The following PARP14 variants were observed in gnomAD, a reference collection of about 807,000 sequenced individuals.
The protein encoded by PARP14 is protein mono-ADP-ribosyltransferase PARP14.
A neutral mutation model predicts 154.2 loss-of-function variants in PARP14; 59 were observed. The ratio of observed to expected loss-of-function variants is 0.38; its 90% CI spans 0.31 to 0.48. PARP14 has a LOEUF of 0.48. Ranked by LOEUF, PARP14 falls within the 20% of genes least tolerant of loss-of-function variation. The pLI is 0.98. For missense variants in PARP14, 1,734 were observed against 2,131.6 expected, an observed-to-expected ratio of 0.81 and a Z score of 3.67; for synonymous variants, 720 against 780.5, an observed-to-expected ratio of 0.92 and a Z score of 1.29.
Position 122,681,993 on chromosome 3 carries a change from A to G in PARP14, c.187+923A>G, listed in dbSNP as rs1560042235. 6.6e-6 allele frequency among the ~76,000 whole-genome samples: 1 copy of G among 152,158 alleles called. No homozygotes were observed. The highest frequency in any genetic ancestry group is 1.5e-5 in the Non-Finnish European group (1 of 68,024). Reference sequence around the variant, plus strand: ...TTTGGAGAAGCATTCGGGCCAGAGGAGAGGCAAGGAGGCTGAGGCTGAGGC... The same window carrying G: ...TTTGGAGAAGCATTCGGGCCAGAGGGGAGGCAAGGAGGCTGAGGCTGAGGC... On this transcript the variant is annotated intron_variant, in intron 1 of 16. Coordinates refer to ENST00000474629, the MANE Select transcript of PARP14 (RefSeq NM_017554.3). The surrounding 1 kb of genome is among the most constrained non-coding windows in gnomAD (Gnocchi z 5.5).
Position 122,700,448 on chromosome 3 carries a change from G to A in PARP14, c.1894G>A (p.Val632Ile). 2 of 1,613,394 alleles carry A rather than the reference G, an allele frequency of 1.2e-6. No homozygotes were observed. Among genetic ancestry groups the A allele is most frequent in the Non-Finnish European group, 8.5e-7 (1 of 1,179,602 alleles). Residue 632 changes from valine (V) to isoleucine (I), a missense_variant, in exon 6 of 17, where the codon GTA becomes ATA. This residue lies in a region of PARP14 where 1,646 missense variants were observed against 1,976.0 expected (regional missense o/e 0.83). Transcript: ENST00000474629. ...GAAACAAAATTCCTCCCCAAACACT[G>A]TAATCATCAATGAGTTAACTTCAGA... ...LKKQNSSPNT[V>I]IINELTSETT...
At position 122,703,763 on chromosome 3, in the gene PARP14, GT is replaced by G; in HGVS notation, c.3105del (p.Leu1037TrpfsTer57). The G allele has an allele frequency of 6.2e-7, 1 of 1,606,054 alleles. No homozygotes were observed. The highest frequency in any genetic ancestry group is 1.1e-5 in the South Asian group (1 of 90,014). ...NAKTDVVVNS[V>X]PLDLVLSRGP... Reference sequence around the variant, plus strand: ...TAAGACCGATGTTGTTGTCAACTCCGTTCCCTTGGATCTCGTGCTTAGTAGA... The same window carrying G: ...TAAGACCGATGTTGTTGTCAACTCCGTCCCTTGGATCTCGTGCTTAGTAGA... On this transcript the variant is annotated frameshift_variant, in exon 7 of 17. Coordinates refer to ENST00000474629, the MANE Select transcript of PARP14 (RefSeq NM_017554.3). LOFTEE classifies it high-confidence loss of function.
rs1932929828 is a variant in PARP14, at chr3:122,714,299, T to G, written c.3870T>G (p.Gly1290=). ...QRKNDYIITG[G]GFLRCKNIIH... is the part of the protein sequence containing the mutation. ...AAAATGATTATATAATCACCGGAGGTGGATTTTTGAGGTGCAAGAATATCA... is the reference window on the plus strand; with the variant it reads ...AAAATGATTATATAATCACCGGAGGGGGATTTTTGAGGTGCAAGAATATCA... The change falls in exon 12 of 17, where the codon GGT becomes GGG. Residue 1290 remains glycine (G), a synonymous_variant. Coordinates refer to ENST00000474629, the MANE Select transcript of PARP14 (RefSeq NM_017554.3). The G allele has an allele frequency of 6.3e-7, 1 of 1,597,830 alleles. No individual in the cohort carries two copies. Among genetic ancestry groups the G allele is most frequent in the South Asian group, 1.1e-5 (1 of 87,206 alleles).
chr3:122,728,745 C>T lies in PARP14; in HGVS notation c.*148C>T, dbSNP rs1236490760. The T allele has an allele frequency of 1.6e-6, 1 of 643,208 alleles. No homozygotes were observed. The highest frequency in any genetic ancestry group is 2.6e-5 in the East Asian group (1 of 38,436). 39.8% of individuals were successfully genotyped at this position (643,208 alleles called of 1,614,324 possible). ...GTCGCTGAAGTCAGTCTTTCTTCAG[C>T]TTCCCTTTCATAATGGAAATGAACT... On this transcript the variant is annotated 3_prime_UTR_variant, in exon 17 of 17. Transcript: ENST00000474629.
rs757238272 is a variant in PARP14, at chr3:122,713,926, C to T, written c.3824C>T (p.Ser1275Phe). ...GGACAAAATGTAGAAAGGGAATGTT[C>T]TCAGCAAGGTAAGGCATATTCTATT... ...CAGQNVEREC[S>F]QQAQQRKNDY... Residue 1275 changes from serine to phenylalanine, a missense_variant, in exon 11 of 17, where the codon TCT (serine) becomes TTT (phenylalanine). Ser to Phe is a radical substitution (Grantham distance 155). Transcript: ENST00000474629. The T allele has an allele frequency of 1.2e-6, 2 of 1,611,700 alleles. No homozygotes were observed. The highest frequency in any genetic ancestry group is 1.1e-5 in the South Asian group (1 of 91,048).
intron 12 of PARP14, among the ~76,000 whole-genome samples, chr3:122,715,529 T>C (rs1932967224): frequency 6.6e-6 from 1 of 152,192 alleles, no homozygotes; most frequent in South Asian, 2.1e-4. Flanking sequence ...TTTGTTTTCA[T>C]TCCCCTTAGA....
chr3:122,730,415 A>G lies in PARP14; in HGVS notation c.*1818A>G, dbSNP rs576550525. 1 of 152,348 alleles carries G rather than the reference A, an allele frequency of 6.6e-6. No individual in the cohort carries two copies. The highest frequency in any genetic ancestry group is 1.5e-5 in the Non-Finnish European group (1 of 68,048). The allele number at this position is 152,348 out of a possible 1,614,324, so 9.4% of individuals were successfully genotyped here. On this transcript the variant is annotated 3_prime_UTR_variant, in exon 17 of 17. Coordinates refer to ENST00000474629, the MANE Select transcript of PARP14 (RefSeq NM_017554.3). ...GGAGCCAATGCAGATAGCACATCAG[A>G]TGCTAGGGGTCGCTGGGAGGATTAA...
rs1416238368 is a variant in PARP14, at chr3:122,685,225, A to G, written c.228A>G (p.Val76=). 6.2e-7 allele frequency: 1 copy of G among 1,613,922 alleles called. No homozygotes were observed. Among genetic ancestry groups the G allele is most frequent in the South Asian group, 1.1e-5 (1 of 91,084 alleles). ...KVLERKNHEL[V]WQGKGTFKLT... is the part of the protein sequence containing the mutation. ...TGGAGAGAAAAAATCATGAGTTGGT[A>G]TGGCAAGGAAAAGGAACATTCAAGT... Residue 76 remains valine, a synonymous_variant, in exon 2 of 17, where the codon GTA becomes GTG. Coordinates refer to ENST00000474629, the MANE Select transcript of PARP14 (RefSeq NM_017554.3).
chr3:122,704,059 A>T (rs1362665071), intron 7 of PARP14, 81 bp downstream of exon 7: 1 of 890,462 alleles, frequency 1.1e-6, no homozygotes, highest in Admixed American at 2.0e-5. Context: ...TTGGACATAG[A>T]TTGGGCCTTG....
At chr3:122,686,221 A>G (rs1401257121) in intron 2 of PARP14, among the ~76,000 whole-genome samples, 1 of 151,956 alleles carries the variant, frequency 6.6e-6, no homozygotes, top group Non-Finnish European at 1.5e-5. Context: ...TGGCATGATC[A>G]TGGCTTGCTG....
chr3:122,690,575 A>T (rs932178188), intron 3 of PARP14, among the ~76,000 whole-genome samples: 30 of 152,134 alleles, frequency 2.0e-4, no homozygotes, highest in African/African-American at 6.8e-4. Flanking sequence ...GCAGTGGTAC[A>T]ATCTCGGCTC....
rs1938873428 is a variant in PARP14 at position 122,699,286 on chromosome 3, A to C, written c.836-104A>C. On this transcript the variant is annotated intron_variant, in intron 5 of 16. Coordinates refer to ENST00000474629, the MANE Select transcript of PARP14 (RefSeq NM_017554.3). ...TTTATTTCTTTCCTTTAAGTGTTAG[A>C]AAAACATTAGATTTTTTTTTCTCTA... 4 of 630,380 alleles carry C rather than the reference A, an allele frequency of 6.3e-6. No individual in the cohort carries two copies. The Admixed American group carries it at 1.3e-4, about 21-fold the overall frequency. 39.0% of individuals were successfully genotyped at this position (630,380 alleles called of 1,614,324 possible).
intron 8 of PARP14, among the ~76,000 whole-genome samples, chr3:122,706,799 T>C (rs1233538190): frequency 6.7e-5 from 10 of 150,316 alleles, no homozygotes; most frequent in Non-Finnish European, 3.0e-5. Flanking sequence ...ATGATGATTA[T>C]GGAGGGTCAC....
rs755153910 is a variant in PARP14 at position 122,695,655 on chromosome 3, C to T, written c.828C>T (p.Asp276=). ...EESSALIEFF[D]RKVLDTIMAT... Reference sequence around the variant, plus strand: ...GTTCAGCTCTGATTGAATTTTTTGACAGAAAAGGTAATATTTATTAACCTG... The same window carrying T: ...GTTCAGCTCTGATTGAATTTTTTGATAGAAAAGGTAATATTTATTAACCTG... Residue 276 remains aspartate, a synonymous_variant, in exon 5 of 17, where the codon GAC becomes GAT. Transcript: ENST00000474629. The T allele has an allele frequency of 2.0e-6, 3 of 1,505,342 alleles. No homozygotes were observed. Among genetic ancestry groups the T allele is most frequent in the South Asian group, 1.1e-5 (1 of 87,350 alleles). 93.2% of individuals were successfully genotyped at this position (1,505,342 alleles called of 1,614,324 possible).
At chr3:122,708,321 T>G (rs986252075) in intron 9 of PARP14, 53 bp downstream of exon 9, 2 of 913,344 alleles carry the variant, frequency 2.2e-6, no homozygotes, top group African/African-American at 3.3e-5. Flanking sequence ...AAGTAACTGT[T>G]CATTGGCAGG....
rs1424898502 is a variant in PARP14, at chr3:122,680,864, G to A, written c.-20G>A. On this transcript the variant is annotated 5_prime_UTR_variant, in exon 1 of 17. Transcript: ENST00000474629. ...GGAGTTGGCGCGGCCCCTGCAGTCC[G>A]GCGGAGAGCGGAGCTGAGGATGGCT... is the stretch of plus-strand genomic sequence containing the variant. 6.3e-7 allele frequency: 1 copy of A among 1,580,360 alleles called. No individual in the cohort carries two copies. Among genetic ancestry groups the A allele is most frequent in the Non-Finnish European group, 8.6e-7 (1 of 1,162,662 alleles).
intron 12 of PARP14, among the ~76,000 whole-genome samples, chr3:122,717,048 T>C (rs561799459): frequency 6.6e-6 from 1 of 152,352 alleles, no homozygotes; most frequent in East Asian, 1.9e-4. Flanking sequence ...ATTACAGCTT[T>C]GCAAAAGAGA....
Position 122,703,972 on chromosome 3 carries a change from A to C in PARP14, c.3312A>C (p.Ser1104=), listed in dbSNP as rs1452437219. The part of the protein sequence containing the change: ...APEWRNGSTS[S]LKIMEDIIRE... Reference sequence around the variant, plus strand: ...AGTGGAGAAATGGTAGCACATCTTCACTCAAGGTTGGGCCTGGTTTTGAAT... The same window carrying C: ...AGTGGAGAAATGGTAGCACATCTTCCCTCAAGGTTGGGCCTGGTTTTGAAT... The change falls in exon 7 of 17, where the codon TCA becomes TCC. Residue 1104 remains serine (S), a synonymous_variant. Coordinates refer to ENST00000474629, the MANE Select transcript of PARP14 (RefSeq NM_017554.3). The C allele has an allele frequency of 6.2e-7, 1 of 1,610,952 alleles. No individual in the cohort carries two copies. Among genetic ancestry groups the C allele is most frequent in the Non-Finnish European group, 8.5e-7 (1 of 1,177,260 alleles).
intron 7 of PARP14, 25 bp downstream of exon 7, chr3:122,704,003 A>T: frequency 1.3e-6 from 2 of 1,546,880 alleles, no homozygotes; most frequent in Non-Finnish European, 1.8e-6. Context: ...TGAATTCTCC[A>T]TGAAGTTGGG....
Sources: gnomAD v4.1 joint callset for allele counts (sites outside exome capture counted in the v4.1 genomes callset) on GRCh38, gnomAD v4.1.1 for gene constraint, gnomAD v4.1.1 regional missense constraint, Gnocchi (gnomAD v3.1) non-coding constraint, MANE v1.5 for transcripts, NCBI Gene and HGNC (gene_info 2026-07-23, HGNC 2026-07-21) for gene names.